The following ANKRD50 variants were observed in gnomAD, a reference collection of about 807,000 sequenced individuals.
ANKRD50 encodes ankyrin repeat domain-containing protein 50.
In ANKRD50, 40 loss-of-function variants were observed where a neutral mutation model predicts 112.0. That is an observed-to-expected ratio of 0.36 (90% CI 0.28 to 0.46). The LOEUF (loss-of-function observed/expected upper bound fraction) is 0.46, where lower values mean the gene tolerates loss of function less well. ANKRD50 is among the 20% of genes least tolerant of loss of function. The probability of loss-of-function intolerance (pLI) is 1.00; values close to 1 mark genes in which losing one functional copy is unlikely to be tolerated. For synonymous variants in ANKRD50, 613 were observed against 619.1 expected (o/e 0.99, Z 0.15); for missense variants, 1,487 against 1,701.7 (o/e 0.87, Z 2.22).
rs1730497307 is a variant in ANKRD50, at chr4:124,666,588, G to A, written c.*930C>T. 1 of 152,290 alleles carries A rather than the reference G, an allele frequency of 6.6e-6. No individual in the cohort carries two copies. The highest frequency in any genetic ancestry group is 1.5e-5 in the Non-Finnish European group (1 of 67,904). The allele number at this position is 152,290 out of a possible 1,614,324, so 9.4% of individuals were successfully genotyped here. A position where few individuals can be genotyped will look rare whatever the true frequency, so the allele number is the denominator to read the frequency against. On this transcript the variant is annotated 3_prime_UTR_variant, in exon 5 of 5. Coordinates refer to ENST00000504087, the MANE Select transcript of ANKRD50 (RefSeq NM_020337.3). ...TTAATTTATTTAGCCAGGAGGAAGA[G>A]GTCAGTTTAGTCAATGAATTATTCA...
At chr4:124,679,249 A>G (rs903967354) in intron 2 of ANKRD50, among the ~76,000 whole-genome samples, 2 of 152,154 alleles carry the variant, frequency 1.3e-5, no homozygotes, top group African/African-American at 4.8e-5. Flanking sequence ...TTTCCTTATG[A>G]CAAAGCTAAA....
chr4:124,694,902 T>C (rs1725217198), intron 2 of ANKRD50, among the ~76,000 whole-genome samples: 1 of 151,530 alleles, frequency 6.6e-6, no homozygotes. Context: ...GTGAAAAAAA[T>C]TACAAAACTT....
rs569254751 is a variant in ANKRD50 at position 124,691,652 on chromosome 4, A to G, written c.513-12747T>C. 3.2e-3 allele frequency among the ~76,000 whole-genome samples: 480 copies of G among 152,292 alleles called. 2 individuals are homozygous for G. The highest frequency in any genetic ancestry group is 7.6e-3 in the African/African-American group (314 of 41,574). ...AGCAAGGATTTCCCATTTCTGCTCT[A>G]AACAGTACACTTAAAACATTCTGAT... On this transcript the variant is annotated intron_variant, in intron 2 of 4. Coordinates refer to ENST00000504087, the MANE Select transcript of ANKRD50 (RefSeq NM_020337.3).
rs568404867 is a variant in ANKRD50 at position 124,710,338 on chromosome 4, C to G, written c.174G>C (p.Gly58=). 5.0e-6 allele frequency: 8 copies of G among 1,614,194 alleles called. No individual in the cohort carries two copies. In the Admixed American group the frequency reaches 1.3e-4, roughly 27 times the overall value. ...VNAPSLVMNS[G]NNASGVSGKG... ...TTCCAGAGACACCACTAGCATTATT[C>G]CCAGAATTCATTACAAGTGATGGTG... The change falls in exon 2 of 5, where the codon GGG becomes GGC. Residue 58 remains glycine (G), a synonymous_variant. Transcript: ENST00000504087.
chr4:124,668,003 T>C (rs1481987233), intron 4 of ANKRD50, among the ~76,000 whole-genome samples: 1 of 151,952 alleles, frequency 6.6e-6, no homozygotes, highest in Non-Finnish European at 1.5e-5. Context: ...TATATATAAC[T>C]TTGTTAGAGG....
At chr4:124,694,193 TA>T (rs1379373685) in intron 2 of ANKRD50, among the ~76,000 whole-genome samples, 7 of 152,110 alleles carry the variant, frequency 4.6e-5, no homozygotes, top group African/African-American at 1.7e-4. Context: ...TTTACTAGGA[TA>T]AAAAACTAGT....
rs1269281514 is a variant in ANKRD50, at chr4:124,669,237, A to G, written c.4040T>C (p.Leu1347Pro). 3.1e-6 allele frequency: 5 copies of G among 1,613,592 alleles called. No homozygotes were observed. Among genetic ancestry groups the G allele is most frequent in the Admixed American group, 1.7e-5 (1 of 59,958 alleles). ...CTGTTCCCCACTTTGTTGGTGAATAAGAAACTGCTGTTGAGATCGACCAAT... is the reference window on the plus strand; with the variant it reads ...CTGTTCCCCACTTTGTTGGTGAATAGGAAACTGCTGTTGAGATCGACCAAT... The part of the protein sequence containing the change: ...QEIGRSQQQF[L>P]IHQQSGEQKK... Residue 1347 changes from leucine (L) to proline (P), a missense_variant, in exon 4 of 5, where the codon CTT becomes CCT. Transcript: ENST00000504087.
chr4:124,706,138 A>G (rs2110529005), intron 2 of ANKRD50, among the ~76,000 whole-genome samples: 1 of 152,186 alleles, frequency 6.6e-6, no homozygotes, highest in African/African-American at 2.4e-5. Context: ...TAATGTTAGA[A>G]TTTGAGTTCC....
chr4:124,672,537 A>G lies in ANKRD50; in HGVS notation c.743-3T>C. ...ATCTAAACTTATTTTTCGAAAACCT[A>G]AAGAAGAGATAAAAAAGTAGATGTA... On this transcript the variant is annotated splice_region_variant and splice_polypyrimidine_tract_variant and intron_variant, in intron 3 of 4. Transcript: ENST00000504087. 1 of 1,563,472 alleles carries G rather than the reference A, an allele frequency of 6.4e-7. No homozygotes were observed. The highest frequency in any genetic ancestry group is 8.6e-7 in the Non-Finnish European group (1 of 1,156,812).
chr4:124,695,822 A>G (rs992980402), intron 2 of ANKRD50, among the ~76,000 whole-genome samples: 1 of 152,180 alleles, frequency 6.6e-6, no homozygotes, highest in Non-Finnish European at 1.5e-5. Flanking sequence ...CAAGGGTCTT[A>G]GTAATATTAT....
At chr4:124,682,499 T>C (rs1381628299) in intron 2 of ANKRD50, among the ~76,000 whole-genome samples, 1 of 152,098 alleles carries the variant, frequency 6.6e-6, no homozygotes, top group Admixed American at 6.5e-5. Context: ...GTTAAAATAT[T>C]TGAATATAAG....
In ANKRD50 at chr4:124,671,681, T is replaced by C. The variant is rs758741185; in HGVS notation, c.1596A>G (p.Leu532=). ...ACTGATTTACTGAAGCTCCATTATC[T>C]AATAATGTCCGAATGGAATCCTCTC... is the stretch of plus-strand genomic sequence containing the variant. ...LEREDSIRTL[L]DNGASVNQCD... The change falls in exon 4 of 5, where the codon TTA becomes TTG. Residue 532 remains leucine (L), a synonymous_variant. Coordinates refer to ENST00000504087, the MANE Select transcript of ANKRD50 (RefSeq NM_020337.3). The C allele has an allele frequency of 6.2e-7, 1 of 1,613,868 alleles. No individual in the cohort carries two copies. The highest frequency in any genetic ancestry group is 8.5e-7 in the Non-Finnish European group (1 of 1,179,856).
In ANKRD50 at chr4:124,671,501, C is replaced by T; in HGVS notation, c.1776G>A (p.Lys592=). ...LTLAARQGHT[K]VVNCLIGCGA... Reference sequence around the variant, plus strand: ...CACACCCAATCAAACAATTAACCACCTTGGTATGTCCCTGTCTAGCCGCTA... The same window carrying T: ...CACACCCAATCAAACAATTAACCACTTTGGTATGTCCCTGTCTAGCCGCTA... Residue 592 remains lysine (K), a synonymous_variant, in exon 4 of 5, where the codon AAG becomes AAA. Transcript: ENST00000504087. The T allele has an allele frequency of 6.2e-7, 1 of 1,613,720 alleles. No homozygotes were observed. The highest frequency in any genetic ancestry group is 8.5e-7 in the Non-Finnish European group (1 of 1,179,804).
chr4:124,707,864 G>T (rs1402230856), intron 2 of ANKRD50, among the ~76,000 whole-genome samples: 1 of 151,976 alleles, frequency 6.6e-6, no homozygotes, highest in East Asian at 1.9e-4. Flanking sequence ...TTGAATAAAA[G>T]AATTATTTTT....
chr4:124,668,942 C>G (rs190066028), intron 4 of ANKRD50, 42 bp downstream of exon 4: 3 of 1,539,222 alleles, frequency 1.9e-6, no homozygotes, highest in Admixed American at 2.1e-5. Flanking sequence ...GTAGAGGGAA[C>G]TCTACTTTTG....
chr4:124,684,841 C>T (rs1346328173), intron 2 of ANKRD50, among the ~76,000 whole-genome samples: 2 of 152,142 alleles, frequency 1.3e-5, no homozygotes, highest in East Asian at 1.9e-4. Flanking sequence ...TCCTCCTTTT[C>T]GTTTTAGCAC....
Position 124,669,798 on chromosome 4 carries a change from G to T in ANKRD50, c.3479C>A (p.Ala1160Asp). ...LRGLPNGPTH[A>D]FSSPSESPDS... ...TGGAGATTCTGAAGGAGAACTAAAA[G>T]CATGAGTAGGCCCATTAGGTAAACC... The change falls in exon 4 of 5, where the codon GCT becomes GAT. Residue 1160 changes from alanine (A) to aspartate (D), a missense_variant. By Grantham distance (126) the Ala-to-Asp change is moderately radical (BLOSUM62 -2). Transcript: ENST00000504087. 8.1e-6 allele frequency: 13 copies of T among 1,613,348 alleles called. No individual in the cohort carries two copies. The highest frequency in any genetic ancestry group is 1.0e-5 in the Non-Finnish European group (12 of 1,179,716).
rs1730432572 is a variant in ANKRD50 at position 124,664,120 on chromosome 4, A to G, written c.*3398T>C. The G allele has an allele frequency of 6.6e-6, 1 of 152,076 alleles. No homozygotes were observed. Among genetic ancestry groups the G allele is most frequent in the Non-Finnish European group, 1.5e-5 (1 of 67,978 alleles). The allele number at this position is 152,076 out of a possible 1,614,324, so 9.4% of individuals were successfully genotyped here. On this transcript the variant is annotated 3_prime_UTR_variant, in exon 5 of 5. Transcript: ENST00000504087. ...CATGTTTGCAATAAACTCCCAAAATATCCGCCATAAGATGGCCATAATATT... is the reference window on the plus strand; with the variant it reads ...CATGTTTGCAATAAACTCCCAAAATGTCCGCCATAAGATGGCCATAATATT...
chr4:124,696,442 G>A (rs1337659038), intron 2 of ANKRD50, among the ~76,000 whole-genome samples: 2 of 151,928 alleles, frequency 1.3e-5, no homozygotes, highest in Non-Finnish European at 2.9e-5. Flanking sequence ...GAATGAAGAG[G>A]CACTATACTA....
Sources: allele counts gnomAD v4.1 joint callset (sites outside exome capture counted in the v4.1 genomes callset), GRCh38; gene constraint gnomAD v4.1.1; transcripts MANE v1.5; gene names NCBI Gene and HGNC (gene_info 2026-07-23, HGNC 2026-07-21).